SULF1: variants seen among roughly 807,000 people sequenced by gnomAD.
SULF1 encodes the protein sulfatase 1.
In SULF1, 46 loss-of-function variants were observed where a neutral mutation model predicts 110.5. The observed-to-expected ratio is 0.42, with a 90% confidence interval of 0.33 to 0.53. SULF1 has a LOEUF of 0.53. Ranked by LOEUF, SULF1 falls within the 20% of genes least tolerant of loss-of-function variation. The probability of loss-of-function intolerance (pLI) is 0.12; values close to 1 mark genes in which losing one functional copy is unlikely to be tolerated. For synonymous variants in SULF1, 371 were observed against 387.1 expected (o/e 0.96, Z 0.49); for missense variants, 941 against 1,094.2 (o/e 0.86, Z 1.98).
At chr8:69,476,649 T>C (rs1005941944) in intron 1 of SULF1, among the ~76,000 whole-genome samples, 4 of 152,252 alleles carry the variant, frequency 2.6e-5, no homozygotes, top group Non-Finnish European at 4.4e-5. Flanking sequence ...GCCTGTTCTA[T>C]GTTACCCAAC....
At chr8:69,633,681 A>G (rs1299513888) in intron 19 of SULF1, among the ~76,000 whole-genome samples, 1 of 151,746 alleles carries the variant, frequency 6.6e-6, no homozygotes, top group Non-Finnish European at 1.5e-5. Flanking sequence ...TATTTTTATT[A>G]TATTTTAAGT....
At chr8:69,545,318 G>C (rs576921437) in intron 3 of SULF1, among the ~76,000 whole-genome samples, 11 of 152,112 alleles carry the variant, frequency 7.2e-5, no homozygotes, top group Non-Finnish European at 1.6e-4. Context: ...AGGCCGTGTT[G>C]TCCTAACATT....
At chr8:69,578,050 A>C (rs150315636) in intron 6 of SULF1, among the ~76,000 whole-genome samples, 118 of 152,296 alleles carry the variant, frequency 7.7e-4, no homozygotes, top group African/African-American at 2.7e-3. Flanking sequence ...AGTTGTAGGG[A>C]AAGGTGGAAT....
At chr8:69,588,876 T>C in intron 7 of SULF1, 96 bp from the exon 8 acceptor site, 1 of 1,258,088 alleles carries the variant, frequency 7.9e-7, no homozygotes, top group South Asian at 1.4e-5. Flanking sequence ...TGCCACTTCG[T>C]GCAGTGAATT....
chr8:69,513,607 G>A (rs187492870), intron 3 of SULF1, among the ~76,000 whole-genome samples: 1 of 152,284 alleles, frequency 6.6e-6, no homozygotes, highest in African/African-American at 2.4e-5. Context: ...TAAGATATAG[G>A]CATCAGAAAA....
chr8:69,595,183 T>C (rs1423352653), intron 8 of SULF1, among the ~76,000 whole-genome samples: 2 of 152,190 alleles, frequency 1.3e-5, no homozygotes, highest in Non-Finnish European at 2.9e-5. Context: ...AAGTCTATAT[T>C]TTTTAAAGGA....
chr8:69,610,226 A>G lies in SULF1; in HGVS notation c.1377+5294A>G, dbSNP rs146267379. ...CTGCATCAAGCAAGCTGATGCTATTATAACGGAAATAGAATGTAGTTTGTT... is the reference window on the plus strand; with the variant it reads ...CTGCATCAAGCAAGCTGATGCTATTGTAACGGAAATAGAATGTAGTTTGTT... On this transcript the variant is annotated intron_variant, in intron 13 of 22. Coordinates refer to ENST00000402687, the MANE Select transcript of SULF1 (RefSeq NM_001128205.2). Among the ~76,000 whole-genome samples, 48 of 152,366 alleles carry G rather than the reference A, an allele frequency of 3.2e-4. 1 individual carries two copies. The East Asian group carries it at 8.5e-3, about 27-fold the overall frequency.
chr8:69,519,356 A>G (rs1238296758), intron 3 of SULF1, among the ~76,000 whole-genome samples: 1 of 152,188 alleles, frequency 6.6e-6, no homozygotes, highest in South Asian at 2.1e-4. Flanking sequence ...CCATTGTTAA[A>G]CCAATCCATA....
intron 3 of SULF1, among the ~76,000 whole-genome samples, chr8:69,516,063 T>G (rs559986421): frequency 5.3e-4 from 80 of 152,224 alleles, no homozygotes; most frequent in Non-Finnish European, 8.7e-4. Context: ...CAAAACTATC[T>G]TAACCTCTGC....
At chr8:69,604,988 A>C (rs1472201373) in intron 13 of SULF1, 56 bp downstream of exon 13, 9 of 1,595,918 alleles carry the variant, frequency 5.6e-6, no homozygotes. Context: ...TCTCTAATTT[A>C]GAAAATTGTC....
At chr8:69,643,841 G>A (rs1241475120) in intron 22 of SULF1, among the ~76,000 whole-genome samples, 3 of 152,218 alleles carry the variant, frequency 2.0e-5, no homozygotes, top group Admixed American at 6.5e-5. Flanking sequence ...ATAATTTGTG[G>A]CTCATTTGAA....
chr8:69,487,229 G>A (rs2150549357), intron 1 of SULF1, among the ~76,000 whole-genome samples: 1 of 152,232 alleles, frequency 6.6e-6, no homozygotes, highest in Non-Finnish European at 1.5e-5. Context: ...TCCTAGTCAG[G>A]TTATTGCTAA....
chr8:69,631,786 C>T (rs533763022), intron 19 of SULF1, among the ~76,000 whole-genome samples: 1 of 152,240 alleles, frequency 6.6e-6, no homozygotes, highest in Non-Finnish European at 1.5e-5. Flanking sequence ...ACACTACTCA[C>T]CCTTCAGACC....
chr8:69,548,614 A>ATTTTTTTTTTTTTT (rs3059933), intron 3 of SULF1, among the ~76,000 whole-genome samples: 25 of 120,894 alleles, frequency 2.1e-4, no homozygotes, highest in African/African-American at 7.5e-4. Flanking sequence ...TGCCTCGCTG[A>ATTTTTTTTTTTTTT]TTTTTTTTTT....
At chr8:69,470,301 C>T (rs1377399755) in intron 1 of SULF1, among the ~76,000 whole-genome samples, 3 of 152,044 alleles carry the variant, frequency 2.0e-5, no homozygotes, top group Admixed American at 2.0e-4. Context: ...ATGTATGAAA[C>T]TAAGTCTATG....
chr8:69,529,260 T>G (rs1812923700), intron 3 of SULF1, among the ~76,000 whole-genome samples: 1 of 152,132 alleles, frequency 6.6e-6, no homozygotes, highest in South Asian at 2.1e-4. Context: ...GAGGTGATGT[T>G]CTTCTAAGAA....
chr8:69,646,215 C>T (rs952532950), intron 22 of SULF1, among the ~76,000 whole-genome samples: 1 of 152,094 alleles, frequency 6.6e-6, no homozygotes, highest in African/African-American at 2.4e-5. Flanking sequence ...TTGGGCTGAT[C>T]AGATTAGGTG....
chr8:69,597,875 T>A (rs1392639079), intron 8 of SULF1, among the ~76,000 whole-genome samples: 1 of 152,134 alleles, frequency 6.6e-6, no homozygotes, highest in Non-Finnish European at 1.5e-5. Context: ...TGGTAAATGG[T>A]TAGGGGCCTT....
At chr8:69,611,398 C>A (rs577807098) in intron 13 of SULF1, among the ~76,000 whole-genome samples, 2 of 152,204 alleles carry the variant, frequency 1.3e-5, no homozygotes, top group Admixed American at 6.5e-5. Context: ...ACATTTCTCT[C>A]TCTTCTGCTT....
Sources: gnomAD v4.1 joint callset for allele counts (sites outside exome capture counted in the v4.1 genomes callset) on GRCh38, gnomAD v4.1.1 for gene constraint, MANE v1.5 for transcripts, NCBI Gene and HGNC (gene_info 2026-07-23, HGNC 2026-07-21) for gene names.